BAIAP2L1: variants seen among roughly 807,000 people sequenced by gnomAD.
BAIAP2L1 encodes the protein BAR/IMD domain containing adaptor protein 2 like 1, also known as BAR/IMD domain-containing adapter protein 2-like 1.
BAIAP2L1 carries 35 observed loss-of-function variants against 66.3 expected under a neutral mutation model. The ratio of observed to expected loss-of-function variants is 0.53; its 90% CI spans 0.40 to 0.70. The LOEUF (loss-of-function observed/expected upper bound fraction) is 0.70, where lower values mean the gene tolerates loss of function less well. Among genes scored for constraint, BAIAP2L1 ranks in the 30% least tolerant of loss-of-function variants. BAIAP2L1 has a pLI of 0.00. For synonymous variants in BAIAP2L1, 269 were observed against 248.7 expected (o/e 1.08, Z -0.77); for missense variants, 622 against 656.9 (o/e 0.95, Z 0.58).
chr7:98,294,549 T>C (rs547713449), intron 12 of BAIAP2L1, among the ~76,000 whole-genome samples: 1 of 152,340 alleles, frequency 6.6e-6, no homozygotes, highest in South Asian at 2.1e-4. Flanking sequence ...TCGGAAACAG[T>C]TTCACAAAAT....
chr7:98,400,717 G>A, intron 1 of BAIAP2L1, 85 bp downstream of exon 1: 5 of 1,462,072 alleles, frequency 3.4e-6, no homozygotes, highest in Non-Finnish European at 4.7e-6. Flanking sequence ...CTGGAGGGAG[G>A]GAAAGTACCT....
intron 12 of BAIAP2L1, among the ~76,000 whole-genome samples, chr7:98,298,611 T>A (rs1800289279): frequency 6.6e-6 from 1 of 151,926 alleles, no homozygotes; most frequent in Admixed American, 6.6e-5. Context: ...AGACTCTGTC[T>A]CAAAACAAAA....
chr7:98,383,204 AAAAG>A (rs775704501), intron 1 of BAIAP2L1, among the ~76,000 whole-genome samples: 5 of 152,016 alleles, frequency 3.3e-5, no homozygotes, highest in African/African-American at 7.2e-5. Context: ...AAAAGAAAAG[AAAAG>A]AAAGAATGGA....
chr7:98,329,910 A>G (rs1404320819), intron 3 of BAIAP2L1, among the ~76,000 whole-genome samples: 1 of 152,192 alleles, frequency 6.6e-6, no homozygotes, highest in Non-Finnish European at 1.5e-5. Context: ...TAAGTAAGAC[A>G]CAGGCTTCAT....
intron 12 of BAIAP2L1, among the ~76,000 whole-genome samples, chr7:98,297,845 T>G (rs1236645638): frequency 1.3e-5 from 2 of 152,194 alleles, no homozygotes; most frequent in Admixed American, 1.3e-4. Context: ...AATGCAGGCT[T>G]GCTTTTACAA....
chr7:98,395,939 A>G (rs1037258577), intron 1 of BAIAP2L1, among the ~76,000 whole-genome samples: 4 of 152,286 alleles, frequency 2.6e-5, no homozygotes, highest in South Asian at 4.1e-4. Context: ...TTTGATTTAC[A>G]TTTGTGACAC....
chr7:98,356,852 T>G (rs1802131888), intron 2 of BAIAP2L1, among the ~76,000 whole-genome samples: 1 of 145,916 alleles, frequency 6.9e-6, no homozygotes. Flanking sequence ...CCAGGCATGG[T>G]GGTGGTGGCA....
intron 3 of BAIAP2L1, among the ~76,000 whole-genome samples, chr7:98,330,740 C>A (rs186719261): frequency 6.6e-6 from 1 of 152,134 alleles, no homozygotes; most frequent in Non-Finnish European, 1.5e-5. Context: ...TGGCTTCTGG[C>A]GAGCCCTCAG....
chr7:98,352,266 T>C (rs1275808432), intron 3 of BAIAP2L1, among the ~76,000 whole-genome samples: 1 of 152,104 alleles, frequency 6.6e-6, no homozygotes, highest in South Asian at 2.1e-4. Context: ...AGTAACTACA[T>C]GAGATAGCAA....
chr7:98,393,132 C>A (rs200998991), intron 1 of BAIAP2L1, among the ~76,000 whole-genome samples: 2 of 71,908 alleles, frequency 2.8e-5, no homozygotes, highest in Admixed American at 1.4e-4. Context: ...TGTATATATA[C>A]ACACATATGT....
intron 3 of BAIAP2L1, among the ~76,000 whole-genome samples, chr7:98,328,811 T>C (rs766600692): frequency 6.6e-6 from 1 of 152,220 alleles, no homozygotes; most frequent in Non-Finnish European, 1.5e-5. Context: ...GTTCAGCCTG[T>C]AGTCACCATT....
At chr7:98,339,701 G>A (rs1401411123) in intron 3 of BAIAP2L1, among the ~76,000 whole-genome samples, 2 of 152,230 alleles carry the variant, frequency 1.3e-5, no homozygotes, top group Non-Finnish European at 2.9e-5. Context: ...GCGTGTGACC[G>A]CAGCAGCTCT....
intron 1 of BAIAP2L1, among the ~76,000 whole-genome samples, chr7:98,380,756 A>T (rs539580320): frequency 0.015 from 2,129 of 138,440 alleles, 69 homozygotes; most frequent in African/African-American, 0.055. Flanking sequence ...TTTTTTTAAT[A>T]AAAAAAAAAA....
At chr7:98,353,608 GTATATT>G (rs1486131330) in intron 3 of BAIAP2L1, among the ~76,000 whole-genome samples, 1 of 133,644 alleles carries the variant, frequency 7.5e-6, no homozygotes, top group African/African-American at 2.8e-5. Context: ...TATATTATAT[GTATATT>G]TATAATATAC....
chr7:98,391,709 A>C (rs1216353581), intron 1 of BAIAP2L1, among the ~76,000 whole-genome samples: 2 of 42,910 alleles, frequency 4.7e-5, no homozygotes, highest in Non-Finnish European at 8.5e-5. Context: ...ACTCCGTCTC[A>C]AAAAAAAAAA....
At chr7:98,367,691 A>G (rs1250719414) in intron 1 of BAIAP2L1, among the ~76,000 whole-genome samples, 1 of 151,562 alleles carries the variant, frequency 6.6e-6, no homozygotes, top group Non-Finnish European at 1.5e-5. Flanking sequence ...ACCCACCACC[A>G]CGCCCGGCTA....
chr7:98,327,503 G>T (rs1381417938), intron 3 of BAIAP2L1, among the ~76,000 whole-genome samples: 2 of 151,856 alleles, frequency 1.3e-5, no homozygotes, highest in African/African-American at 4.8e-5. Flanking sequence ...GTGAAACTCT[G>T]TCTCTACTAA....
chr7:98,307,441 A>C (rs1800700517), intron 10 of BAIAP2L1: 1 of 1,361,242 alleles, frequency 7.3e-7, no homozygotes, highest in African/African-American at 1.5e-5. Flanking sequence ...AAGAATGTTT[A>C]AACTACTTTC....
intron 1 of BAIAP2L1, among the ~76,000 whole-genome samples, chr7:98,395,893 G>A (rs927239862): frequency 1.3e-5 from 2 of 152,072 alleles, no homozygotes; most frequent in Non-Finnish European, 1.5e-5. Context: ...AGCCGGGCAT[G>A]GCGGTGCATG....
Sources: allele counts gnomAD v4.1 joint callset (sites outside exome capture counted in the v4.1 genomes callset), GRCh38; gene constraint gnomAD v4.1.1; transcripts MANE v1.5; gene names NCBI Gene and HGNC (gene_info 2026-07-23, HGNC 2026-07-21).